Variants in INPP5A observed in about 807,000 individuals in gnomAD.
INPP5A encodes inositol polyphosphate-5-phosphatase A.
Under a neutral mutation model 65.2 loss-of-function variants are expected in INPP5A, and 14 were observed. That is an observed-to-expected ratio of 0.21 (90% CI 0.14 to 0.34). The LOEUF (loss-of-function observed/expected upper bound fraction) is 0.34, where lower values mean the gene tolerates loss of function less well. INPP5A is among the 10% of genes least tolerant of loss of function. The probability of loss-of-function intolerance (pLI) is 1.00; values close to 1 mark genes in which losing one functional copy is unlikely to be tolerated. For synonymous variants in INPP5A, 207 were observed against 208.3 expected (o/e 0.99, Z 0.05); for missense variants, 431 against 545.6 (o/e 0.79, Z 2.09).
At position 132,546,880 on chromosome 10, in the gene INPP5A, C is replaced by T. The variant is rs2070980714; in HGVS notation, c.75+8709C>T. On this transcript the variant is annotated intron_variant, in intron 1 of 15. Coordinates refer to ENST00000368594, the MANE Select transcript of INPP5A (RefSeq NM_005539.5). This position sits in a 1 kb window ranked among gnomAD's most constrained non-coding sequence, Gnocchi z 5.7. ...TTTGGTCCTGTAGGCACCAGGACTG[C>T]ACTCTGGCAGGGGCAGACTCTGTTT... 1.3e-5 allele frequency among the ~76,000 whole-genome samples: 2 copies of T among 152,172 alleles called. No homozygotes were observed. Among genetic ancestry groups the T allele is most frequent in the Admixed American group, 6.5e-5 (1 of 15,276 alleles).
intron 11 of INPP5A, among the ~76,000 whole-genome samples, 167 bp downstream of exon 11, chr10:132,750,012 C>T (rs1229636505): frequency 1.3e-5 from 2 of 152,208 alleles, no homozygotes; most frequent in African/African-American, 4.8e-5. Flanking sequence ...ATATTGGGTG[C>T]GTCCGGCACC....
In INPP5A at chr10:132,679,135, G is replaced by A. The variant is rs112279953; in HGVS notation, c.307-11257G>A. On this transcript the variant is annotated intron_variant, in intron 4 of 15. Coordinates refer to ENST00000368594, the MANE Select transcript of INPP5A (RefSeq NM_005539.5). ...GGGCTACAGCTGTGGAGGAGGCGGG[G>A]GCCCCACAGGGAGATGAGGGAGGTG... Among the ~76,000 whole-genome samples the A allele has an allele frequency of 5.5e-3, 832 of 152,334 alleles. 2 individuals are homozygous for A. The highest frequency in any genetic ancestry group is 8.5e-3 in the Non-Finnish European group (576 of 68,022).
chr10:132,634,623 T>A (rs1233598887), intron 2 of INPP5A, among the ~76,000 whole-genome samples: 1 of 152,244 alleles, frequency 6.6e-6, no homozygotes, highest in Non-Finnish European at 1.5e-5. Context: ...GGTTGTGGGA[T>A]TGTCTGTTTC....
At chr10:132,655,899 A>G (rs114811395) in intron 4 of INPP5A, among the ~76,000 whole-genome samples, 5,425 of 152,290 alleles carry the variant, frequency 0.036, 312 homozygotes, top group African/African-American at 0.12. Context: ...GCCTGAGTGT[A>G]GGTCCCAGCC....
chr10:132,666,491 T>A (rs1268735110), intron 4 of INPP5A, among the ~76,000 whole-genome samples: 1 of 152,124 alleles, frequency 6.6e-6, no homozygotes, highest in African/African-American at 2.4e-5. Flanking sequence ...CATCACTGGG[T>A]TTGAAAACAG....
At chr10:132,640,810 A>G (rs2072418358) in intron 2 of INPP5A, among the ~76,000 whole-genome samples, 1 of 152,132 alleles carries the variant, frequency 6.6e-6, no homozygotes, top group South Asian at 2.1e-4. Flanking sequence ...CCTCTTTGCC[A>G]GCACTTATCT....
intron 11 of INPP5A, among the ~76,000 whole-genome samples, chr10:132,760,385 C>T (rs1846711727): frequency 6.6e-6 from 1 of 152,246 alleles, no homozygotes; most frequent in Admixed American, 6.5e-5. Context: ...CTTCTGGGCT[C>T]CAGAGCTCCC....
At chr10:132,596,923 G>A (rs143736257) in intron 1 of INPP5A, among the ~76,000 whole-genome samples, 452 of 25,090 alleles carry the variant, frequency 0.018, 2 homozygotes, top group African/African-American at 0.023. Flanking sequence ...GCATGTGTGC[G>A]CGCATGTGCA....
intron 1 of INPP5A, among the ~76,000 whole-genome samples, chr10:132,599,362 C>T (rs1218611501): frequency 6.6e-6 from 1 of 152,232 alleles, no homozygotes; most frequent in East Asian, 1.9e-4. Flanking sequence ...TCCAGCGGGG[C>T]AGTCAAATTT....
chr10:132,702,007 C>T (rs1301676739), intron 6 of INPP5A, among the ~76,000 whole-genome samples: 2 of 152,262 alleles, frequency 1.3e-5, no homozygotes, highest in Admixed American at 6.5e-5. Context: ...CCGCGCATCC[C>T]ACCCTAAACC....
At chr10:132,730,410 G>A (rs749824305) in intron 9 of INPP5A, among the ~76,000 whole-genome samples, 5 of 152,230 alleles carry the variant, frequency 3.3e-5, no homozygotes, top group African/African-American at 4.8e-5. Flanking sequence ...CGTGGGCAGC[G>A]CGGGAGGGGG....
intron 3 of INPP5A, among the ~76,000 whole-genome samples, chr10:132,646,778 G>A (rs1002184415): frequency 1.3e-5 from 2 of 151,978 alleles, no homozygotes; most frequent in Admixed American, 6.6e-5. Flanking sequence ...GGCCGACGCC[G>A]CTGCCACGCT....
intron 1 of INPP5A, among the ~76,000 whole-genome samples, chr10:132,596,639 A>G (rs996569176): frequency 5.9e-5 from 9 of 152,128 alleles, no homozygotes; most frequent in South Asian, 4.1e-4. Context: ...TATGTTGGCC[A>G]GGCTGTTCTT....
intron 1 of INPP5A, among the ~76,000 whole-genome samples, chr10:132,569,160 T>C (rs1052045702): frequency 2.6e-5 from 4 of 152,146 alleles, no homozygotes; most frequent in African/African-American, 4.8e-5. Flanking sequence ...ATTTTAAACA[T>C]TGAGCATCTG....
intron 9 of INPP5A, among the ~76,000 whole-genome samples, chr10:132,736,181 C>A (rs186659581): frequency 2.0e-5 from 3 of 152,244 alleles, no homozygotes; most frequent in African/African-American, 7.2e-5. Flanking sequence ...ATGCAGCCTG[C>A]GGCTCCAGCT....
At chr10:132,696,583 CTG>C (rs1396015660) in intron 5 of INPP5A, among the ~76,000 whole-genome samples, 7 of 152,224 alleles carry the variant, frequency 4.6e-5, no homozygotes, top group African/African-American at 7.2e-5. Context: ...AGGCTACACA[CTG>C]TGATTCCAAC....
At position 132,697,419 on chromosome 10, in the gene INPP5A, G is replaced by C. The variant is rs1845362155; in HGVS notation, c.371-397G>C. Among the ~76,000 whole-genome samples, 1 of 152,280 alleles carries C rather than the reference G, an allele frequency of 6.6e-6. No homozygotes were observed. The highest frequency in any genetic ancestry group is 2.4e-5 in the African/African-American group (1 of 41,472). On this transcript the variant is annotated intron_variant, in intron 5 of 15. Coordinates refer to ENST00000368594, the MANE Select transcript of INPP5A (RefSeq NM_005539.5). This position sits in a 1 kb window ranked among gnomAD's most constrained non-coding sequence, Gnocchi z 5.6. ...CATAAACCTCTTCCCTGGAATATGA[G>C]TGATGGAGGCTGGATACGGGGAGGA... is the stretch of plus-strand genomic sequence containing the variant.
chr10:132,662,489 C>T (rs2072749543), intron 4 of INPP5A, among the ~76,000 whole-genome samples: 1 of 152,130 alleles, frequency 6.6e-6, no homozygotes, highest in Non-Finnish European at 1.5e-5. Context: ...GAATCCAGAC[C>T]AAACCAAAAA....
chr10:132,757,709 AC>A (rs1278649783), intron 11 of INPP5A, among the ~76,000 whole-genome samples: 1 of 152,232 alleles, frequency 6.6e-6, no homozygotes, highest in East Asian at 1.9e-4. Context: ...GCCGAGCCCC[AC>A]AGCCCGGCAC....
Sources: allele counts gnomAD v4.1 joint callset (sites outside exome capture counted in the v4.1 genomes callset), GRCh38; gene constraint gnomAD v4.1.1; non-coding constraint Gnocchi (gnomAD v3.1); transcripts MANE v1.5; gene names NCBI Gene and HGNC (gene_info 2026-07-23, HGNC 2026-07-21).